RYR3: variants seen among roughly 807,000 people sequenced by gnomAD.
RYR3 encodes the protein ryanodine receptor 3.
A neutral mutation model predicts 584.3 loss-of-function variants in RYR3; 207 were observed. That is an observed-to-expected ratio of 0.35 (90% CI 0.32 to 0.40). The LOEUF (loss-of-function observed/expected upper bound fraction) is 0.40, where lower values mean the gene tolerates loss of function less well. Among genes scored for constraint, RYR3 ranks in the 10% least tolerant of loss-of-function variants. RYR3 has a pLI of 1.00. For missense variants in RYR3, 5,616 were observed against 6,089.2 expected (o/e 0.92, Z 2.59); for synonymous variants, 2,416 against 2,248.5 (o/e 1.07, Z -2.11).
intron 2 of RYR3, among the ~76,000 whole-genome samples, chr15:33,479,916 C>T (rs1386400041): frequency 6.6e-6 from 1 of 152,060 alleles, no homozygotes; most frequent in African/African-American, 2.4e-5. Context: ...TTTGAGTGAG[C>T]CATAAAGCAG....
intron 25 of RYR3, among the ~76,000 whole-genome samples, 158 bp from the exon 26 acceptor site, chr15:33,635,456 G>T (rs544911045): frequency 2.6e-5 from 4 of 152,274 alleles, no homozygotes; most frequent in Non-Finnish European, 5.9e-5. Flanking sequence ...TGATGATGAC[G>T]ATCATCATGA....
In RYR3 at chr15:33,837,782, T is replaced by G. The variant is rs762567081; in HGVS notation, c.11802T>G (p.Asp3934Glu). 6.2e-7 allele frequency: 1 copy of G among 1,613,840 alleles called. No individual in the cohort carries two copies. Among genetic ancestry groups the G allele is most frequent in the Non-Finnish European group, 8.5e-7 (1 of 1,179,854 alleles). ...SSDTFKEYDP[D>E]GKGIISKKEF... ...ACACCTTCAAAGAATATGACCCAGA[T>G]GGTAAAGGAATTATCTCCAAAAAAG... Residue 3934 changes from aspartate to glutamate, a missense_variant, in exon 89 of 104, where the codon GAT (aspartate) becomes GAG (glutamate). By Grantham distance (45) the Asp-to-Glu change is conservative. Transcript: ENST00000634891.
chr15:33,418,522 G>A (rs865891857), intron 1 of RYR3, among the ~76,000 whole-genome samples: 26 of 152,220 alleles, frequency 1.7e-4, no homozygotes, highest in African/African-American at 5.5e-4. Context: ...TTCAGCAAGA[G>A]TTGAGGGTGG....
intron 33 of RYR3, 57 bp from the exon 34 acceptor site, chr15:33,660,140 G>A: frequency 5.8e-6 from 7 of 1,200,192 alleles, no homozygotes; most frequent in Non-Finnish European, 8.4e-6. Flanking sequence ...AAAATGTCTG[G>A]GTGCGTCATC....
Position 33,813,561 on chromosome 15 carries a change from C to T in RYR3, c.10484C>T (p.Pro3495Leu). 6.2e-7 allele frequency: 1 copy of T among 1,613,864 alleles called. No individual in the cohort carries two copies. Among genetic ancestry groups the T allele is most frequent in the Non-Finnish European group, 8.5e-7 (1 of 1,179,784 alleles). The stretch of plus-strand genomic sequence containing the variant: ...GTGGTGGCCTGTTTCAGGATGGCCC[C>T]TCTCTACAACCTGCCCAGGCAAGTA... ...RAVVACFRMA[P>L]LYNLPRHRSI... Residue 3495 changes from proline to leucine, a missense_variant, in exon 74 of 104, where the codon CCT becomes CTT. Pro to Leu is a moderately conservative substitution (Grantham distance 98). Transcript: ENST00000634891.
At chr15:33,689,046 T>TA (rs1407054749) in intron 38 of RYR3, among the ~76,000 whole-genome samples, 1 of 151,528 alleles carries the variant, frequency 6.6e-6, no homozygotes, top group Non-Finnish European at 1.5e-5. Flanking sequence ...TATGCAGCCA[T>TA]AAAAAAGGAT....
intron 1 of RYR3, among the ~76,000 whole-genome samples, chr15:33,333,416 A>T (rs774539549): frequency 3.2e-4 from 48 of 152,372 alleles, no homozygotes; most frequent in Non-Finnish European, 5.7e-4. Context: ...AATGTGATTC[A>T]TCACATAAAC....
intron 38 of RYR3, among the ~76,000 whole-genome samples, chr15:33,691,528 AT>A (rs2065432825): frequency 6.6e-6 from 1 of 151,936 alleles, no homozygotes; most frequent in South Asian, 2.1e-4. Context: ...TTTTCATTTC[AT>A]TTTTTTCATT....
intron 43 of RYR3, among the ~76,000 whole-genome samples, chr15:33,710,868 TATC>T (rs1233184010): frequency 6.6e-6 from 1 of 152,176 alleles, no homozygotes; most frequent in Non-Finnish European, 1.5e-5. Context: ...TGGGGAGCAA[TATC>T]ATGAGGCTGC....
In RYR3 at chr15:33,800,881, G is replaced by A. The variant is rs529884829; in HGVS notation, c.9918+24G>A. ...ATGTAAGAACACATTTGGGCCCTGG[G>A]TTTAGAATGGTTGTGAAAGCTGCAG... On this transcript the variant is annotated intron_variant, in intron 68 of 103. Transcript: ENST00000634891. The A allele has an allele frequency of 1.3e-5, 20 of 1,501,608 alleles. No individual in the cohort carries two copies. The African/African-American group carries it at 1.9e-4, about 14-fold the overall frequency. 93.0% of individuals were successfully genotyped at this position (1,501,608 alleles called of 1,614,324 possible). A position where few individuals can be genotyped will look rare whatever the true frequency, so the allele number is the denominator to read the frequency against.
chr15:33,805,224 C>T (rs1314216715), intron 69 of RYR3, among the ~76,000 whole-genome samples: 1 of 152,122 alleles, frequency 6.6e-6, no homozygotes, highest in African/African-American at 2.4e-5. Context: ...CAAGAAATGC[C>T]AGTTCCTTGA....
At chr15:33,748,602 G>A in intron 55 of RYR3, 72 bp downstream of exon 55, 1 of 1,247,944 alleles carries the variant, frequency 8.0e-7, no homozygotes, top group South Asian at 1.3e-5. Flanking sequence ...GTTAAAGGGG[G>A]AAAAAAGGGA....
chr15:33,319,433 A>G (rs542565343), intron 1 of RYR3, among the ~76,000 whole-genome samples: 1 of 152,200 alleles, frequency 6.6e-6, no homozygotes, highest in Non-Finnish European at 1.5e-5. Flanking sequence ...GTTCCAATTT[A>G]GGACAGTGGT....
intron 52 of RYR3, among the ~76,000 whole-genome samples, chr15:33,743,356 A>G (rs2070362476): frequency 2.0e-5 from 3 of 152,230 alleles, no homozygotes. Flanking sequence ...AAAGGGCTGA[A>G]TGGTCAACAT....
At chr15:33,863,472 A>G (rs1193038503) in intron 102 of RYR3, among the ~76,000 whole-genome samples, 1 of 152,050 alleles carries the variant, frequency 6.6e-6, no homozygotes, top group African/African-American at 2.4e-5. Context: ...CAACTTCACA[A>G]TCCTTTTCCG....
In RYR3 at chr15:33,725,970, C is replaced by CT. The variant is rs1473211039; in HGVS notation, c.6913-416_6913-415insT. Among the ~76,000 whole-genome samples, 8 of 30,662 alleles carry CT rather than the reference C, an allele frequency of 2.6e-4. 1 individual carries two copies. The highest frequency in any genetic ancestry group is 4.9e-4 in the Non-Finnish European group (6 of 12,328). The allele number at this position is 30,662 out of a possible 152,430, so 20.1% of individuals were successfully genotyped here. ...GGGTGACAGAGCAAGACTCCATCCC[C>CT]CCCCCCAAAAAAAAAAAAAAAAAAA... On this transcript the variant is annotated intron_variant, in intron 45 of 103. Coordinates refer to ENST00000634891, the MANE Select transcript of RYR3 (RefSeq NM_001036.6).
chr15:33,320,770 A>G (rs1968857844), intron 1 of RYR3, among the ~76,000 whole-genome samples: 6 of 152,252 alleles, frequency 3.9e-5, no homozygotes, highest in Admixed American at 6.5e-5. Context: ...ACAGTGCTCA[A>G]CATATAGTAA....
intron 1 of RYR3, among the ~76,000 whole-genome samples, chr15:33,379,930 G>C (rs11072424): frequency 6.6e-6 from 1 of 151,856 alleles, no homozygotes; most frequent in Non-Finnish European, 1.5e-5. Context: ...GAAGAACCTG[G>C]AGTCTGATGT....
intron 20 of RYR3, among the ~76,000 whole-genome samples, chr15:33,627,028 G>A (rs528930901): frequency 6.6e-6 from 1 of 152,104 alleles, no homozygotes; most frequent in African/African-American, 2.4e-5. Context: ...TGAGAAGAGG[G>A]CCACCATCCT....
Sources: allele counts gnomAD v4.1 joint callset (sites outside exome capture counted in the v4.1 genomes callset), GRCh38; gene constraint gnomAD v4.1.1; transcripts MANE v1.5; gene names NCBI Gene and HGNC (gene_info 2026-07-23, HGNC 2026-07-21).